Variants in SEC22A observed in about 807,000 individuals in gnomAD.
SEC22A encodes vesicle-trafficking protein SEC22a.
In SEC22A, 22 loss-of-function variants were observed where a neutral mutation model predicts 35.3. The observed-to-expected ratio is 0.62, with a 90% CI of 0.45 to 0.89. SEC22A has a LOEUF of 0.89. SEC22A is among the 40% of genes least tolerant of loss of function. SEC22A has a pLI of 0.00. For missense variants in SEC22A, 354 were observed against 362.5 expected, an observed-to-expected ratio of 0.98 and a Z score of 0.19; for synonymous variants, 119 against 129.5, an observed-to-expected ratio of 0.92 and a Z score of 0.55.
intron 2 of SEC22A, among the ~76,000 whole-genome samples, chr3:123,222,991 C>T (rs959438091): frequency 9.9e-5 from 15 of 152,236 alleles, no homozygotes; most frequent in African/African-American, 3.6e-4. Context: ...AGCCATAGCC[C>T]TCATTTCTCC....
At chr3:123,233,599 C>T (rs1937359601) in intron 4 of SEC22A, among the ~76,000 whole-genome samples, 1 of 151,162 alleles carries the variant, frequency 6.6e-6, no homozygotes, top group South Asian at 2.1e-4. Context: ...TCAATACATG[C>T]AGAAAAAGCA....
chr3:123,239,599 T>C (rs1196084636), intron 4 of SEC22A, among the ~76,000 whole-genome samples: 2 of 152,184 alleles, frequency 1.3e-5, no homozygotes, highest in African/African-American at 4.8e-5. Context: ...CATTTTTTCA[T>C]GTGTTTTTTG....
intron 5 of SEC22A, among the ~76,000 whole-genome samples, chr3:123,253,072 C>A (rs1937634055): frequency 6.6e-6 from 1 of 151,972 alleles, no homozygotes; most frequent in Non-Finnish European, 1.5e-5. Flanking sequence ...TAGGCTAATA[C>A]CAACCTGGAA....
intron 4 of SEC22A, among the ~76,000 whole-genome samples, chr3:123,235,619 T>C (rs1331334329): frequency 6.6e-6 from 1 of 152,232 alleles, no homozygotes; most frequent in African/African-American, 2.4e-5. Context: ...GAAAACAGTT[T>C]GGAAGTTCCT....
In SEC22A at chr3:123,201,962, G is replaced by C. The variant is rs1576479603; in HGVS notation, c.-44G>C. On this transcript the variant is annotated 5_prime_UTR_variant, in exon 1 of 7. Transcript: ENST00000492595. ...CAATGCACTTCGGGGCGCGTCACTC[G>C]GAGCGGCGGGTCCCGTCTCGACAGG... 1 of 152,654 alleles carries C rather than the reference G, an allele frequency of 6.6e-6. No homozygotes were observed. The highest frequency in any genetic ancestry group is 6.5e-5 in the Admixed American group (1 of 15,282). 9.5% of individuals were successfully genotyped at this position (152,654 alleles called of 1,614,324 possible). A position where few individuals can be genotyped will look rare whatever the true frequency, so the allele number is the denominator to read the frequency against.
At chr3:123,251,442 G>A (rs1937612598) in intron 5 of SEC22A, among the ~76,000 whole-genome samples, 1 of 152,082 alleles carries the variant, frequency 6.6e-6, no homozygotes. Flanking sequence ...CTGTAAATTG[G>A]TTCATATGGG....
intron 5 of SEC22A, among the ~76,000 whole-genome samples, chr3:123,258,212 A>T (rs1454346726): frequency 6.6e-6 from 1 of 152,182 alleles, no homozygotes; most frequent in East Asian, 1.9e-4. Context: ...ACTAAAAAGT[A>T]GTATATAAAA....
At chr3:123,265,935 C>A (rs917508167) in intron 6 of SEC22A, among the ~76,000 whole-genome samples, 1 of 152,118 alleles carries the variant, frequency 6.6e-6, no homozygotes, top group East Asian at 1.9e-4. Flanking sequence ...CACATAGTCT[C>A]GATTACTGTA....
At chr3:123,269,024 C>A (rs944910515) in intron 6 of SEC22A, among the ~76,000 whole-genome samples, 12 of 152,144 alleles carry the variant, frequency 7.9e-5, no homozygotes, top group Non-Finnish European at 1.2e-4. Flanking sequence ...CTCATTGCTT[C>A]AGTCAGGAAA....
chr3:123,232,225 G>A (rs1937336918), intron 4 of SEC22A, among the ~76,000 whole-genome samples: 1 of 152,142 alleles, frequency 6.6e-6, no homozygotes, highest in African/African-American at 2.4e-5. Flanking sequence ...GGGTGATAGA[G>A]CGAGGCTCTG....
At chr3:123,235,953 TC>T (rs1937412288) in intron 4 of SEC22A, among the ~76,000 whole-genome samples, 1 of 152,164 alleles carries the variant, frequency 6.6e-6, no homozygotes, top group Non-Finnish European at 1.5e-5. Context: ...CACAAGAAGG[TC>T]ACATATTAAT....
In SEC22A at chr3:123,273,107, G is replaced by A. The variant is rs1352048791; in HGVS notation, c.*1385G>A. ...AAATATTTCAAACAAGGAATTCATAGGATACTGAAATTTGATATCATCCAG... is the reference window on the plus strand; with the variant it reads ...AAATATTTCAAACAAGGAATTCATAAGATACTGAAATTTGATATCATCCAG... On this transcript the variant is annotated 3_prime_UTR_variant, in exon 7 of 7. Transcript: ENST00000492595. 6.6e-6 allele frequency: 1 copy of A among 152,622 alleles called. No individual in the cohort carries two copies. The highest frequency in any genetic ancestry group is 2.4e-5 in the African/African-American group (1 of 41,420). The allele number at this position is 152,622 out of a possible 1,614,324, so 9.5% of individuals were successfully genotyped here.
At chr3:123,271,079 T>G (rs1342951662) in intron 6 of SEC22A, among the ~76,000 whole-genome samples, 1 of 152,164 alleles carries the variant, frequency 6.6e-6, no homozygotes, top group Non-Finnish European at 1.5e-5. Flanking sequence ...AGTAAAATGT[T>G]GTGGATTTTG....
At chr3:123,240,167 C>T (rs1937503202) in intron 4 of SEC22A, among the ~76,000 whole-genome samples, 1 of 152,090 alleles carries the variant, frequency 6.6e-6, no homozygotes, top group South Asian at 2.1e-4. Flanking sequence ...CTGGGAGAGG[C>T]AGTTCTTCCA....
At chr3:123,254,218 C>T (rs962297421) in intron 5 of SEC22A, among the ~76,000 whole-genome samples, 7 of 151,906 alleles carry the variant, frequency 4.6e-5, no homozygotes, top group Admixed American at 3.3e-4. Context: ...GACAGGGTCT[C>T]GCTGTGTTGG....
At chr3:123,212,589 TAAAAG>T (rs1936955242) in intron 2 of SEC22A, among the ~76,000 whole-genome samples, 1 of 152,164 alleles carries the variant, frequency 6.6e-6, no homozygotes, top group Non-Finnish European at 1.5e-5. Context: ...TGACTTTTCT[TAAAAG>T]TAAAGTAAAA....
At chr3:123,260,999 C>G (rs900805219) in intron 6 of SEC22A, among the ~76,000 whole-genome samples, 3 of 151,998 alleles carry the variant, frequency 2.0e-5, no homozygotes, top group Non-Finnish European at 4.4e-5. Context: ...CCATGCCTAG[C>G]TAATTTTTTG....
chr3:123,271,371 T>C, intron 6 of SEC22A, 151 bp from the exon 7 acceptor site: 1 of 630,544 alleles, frequency 1.6e-6, no homozygotes, highest in Non-Finnish European at 2.7e-6. Flanking sequence ...GCTGAATGTC[T>C]TAGATATATG....
chr3:123,204,875 C>G (rs1237206531), intron 1 of SEC22A: 1 of 152,206 alleles, frequency 6.6e-6, no homozygotes, highest in Non-Finnish European at 1.5e-5. Context: ...CTAAAAACTC[C>G]TAAATCTTCC....
Sources: allele counts gnomAD v4.1 joint callset (sites outside exome capture counted in the v4.1 genomes callset), GRCh38; gene constraint gnomAD v4.1.1; transcripts MANE v1.5; gene names NCBI Gene and HGNC (gene_info 2026-07-23, HGNC 2026-07-21).